The following URI1 variants were observed in gnomAD, a reference collection of about 807,000 sequenced individuals.
URI1 encodes URI1 prefoldin like chaperone, also known as unconventional prefoldin RPB5 interactor 1.
URI1 carries 39 observed loss-of-function variants against 60.2 expected under a neutral mutation model. That is an observed-to-expected ratio of 0.65 (90% CI 0.50 to 0.85). The LOEUF (loss-of-function observed/expected upper bound fraction) is 0.85. Ranked by LOEUF, URI1 falls within the 40% of genes least tolerant of loss-of-function variation. The pLI, the probability that URI1 is intolerant of heterozygous loss-of-function variation, is 0.00. For missense variants in URI1, 691 were observed against 665.9 expected (o/e 1.04, Z -0.42); for synonymous variants, 251 against 236.8 (o/e 1.06, Z -0.55).
At chr19:29,943,738 G>A (rs1273322933) in intron 1 of URI1, among the ~76,000 whole-genome samples, 2 of 151,952 alleles carry the variant, frequency 1.3e-5, no homozygotes, top group African/African-American at 4.8e-5. Flanking sequence ...TCTTTGTTCT[G>A]GTTGGTTTAA....
intron 4 of URI1, among the ~76,000 whole-genome samples, chr19:29,996,474 G>T (rs899332150): frequency 6.9e-6 from 1 of 144,850 alleles, no homozygotes; most frequent in Non-Finnish European, 1.5e-5. Context: ...CTTTACAAGG[G>T]TGTTTTGTGT....
intron 1 of URI1, among the ~76,000 whole-genome samples, chr19:29,931,910 T>TTGTGTGTGTGTGTGTGTGTG (rs56181840): frequency 1.4e-5 from 2 of 139,992 alleles, no homozygotes; most frequent in African/African-American, 2.7e-5. Flanking sequence ...GCTCTAACAG[T>TTGTGTGTGTGTGTGTGTGTG]TGTGTGTGTG....
intron 1 of URI1, among the ~76,000 whole-genome samples, chr19:29,961,784 C>G (rs2055328847): frequency 6.6e-6 from 1 of 150,692 alleles, no homozygotes; most frequent in South Asian, 2.1e-4. Context: ...CTCCTGGGTT[C>G]AAGTGATTCT....
chr19:29,936,732 A>G (rs557741496), intron 1 of URI1, among the ~76,000 whole-genome samples: 1 of 152,016 alleles, frequency 6.6e-6, no homozygotes, highest in Non-Finnish European at 1.5e-5. Context: ...CATCACATGG[A>G]TCTATCAGGC....
At chr19:29,997,789 C>T (rs1024129327) in intron 4 of URI1, among the ~76,000 whole-genome samples, 4 of 152,104 alleles carry the variant, frequency 2.6e-5, no homozygotes, top group Non-Finnish European at 5.9e-5. Context: ...GAGACAGAGT[C>T]TCACTCACTC....
intron 6 of URI1, 149 bp downstream of exon 6, chr19:30,005,857 A>G (rs557192640): frequency 2.9e-6 from 2 of 690,266 alleles, no homozygotes; most frequent in Admixed American, 7.1e-5. Flanking sequence ...ATTTTTTTTT[A>G]TGTGAAACAT....
chr19:29,939,295 G>C (rs59752121), upstream of URI1, among the ~76,000 whole-genome samples: 1 of 146,264 alleles, frequency 6.8e-6, no homozygotes, highest in Non-Finnish European at 1.5e-5. Context: ...TTTTTTTTTA[G>C]ACGAAGTGTC....
intron 2 of URI1, among the ~76,000 whole-genome samples, chr19:29,980,612 T>TACAAAAAAA (rs2055581902): frequency 2.7e-5 from 2 of 73,860 alleles, no homozygotes; most frequent in Non-Finnish European, 4.5e-5. Flanking sequence ...TTTTTTTTCT[T>TACAAAAAAA]AAAAAAAAAA....
At chr19:29,982,055 T>C (rs1013250472) in intron 2 of URI1, among the ~76,000 whole-genome samples, 1 of 152,196 alleles carries the variant, frequency 6.6e-6, no homozygotes, top group Non-Finnish European at 1.5e-5. Context: ...GACTAAGCCC[T>C]GAACATTTCC....
At chr19:29,986,500 A>G (rs878901255) in intron 4 of URI1, 83 bp downstream of exon 4, 2 of 1,500,288 alleles carry the variant, frequency 1.3e-6, no homozygotes, top group South Asian at 2.5e-5. Context: ...GTTTCTTACC[A>G]AAAGTACCTT....
intron 1 of URI1, among the ~76,000 whole-genome samples, chr19:29,963,522 A>T (rs2055352327): frequency 6.6e-6 from 1 of 152,112 alleles, no homozygotes; most frequent in Non-Finnish European, 1.5e-5. Context: ...TTCCTTGAAC[A>T]TATTAATCAT....
chr19:29,973,945 A>C (rs2055490074), intron 2 of URI1, among the ~76,000 whole-genome samples: 1 of 152,136 alleles, frequency 6.6e-6, no homozygotes, highest in South Asian at 2.1e-4. Context: ...GGTATTATGA[A>C]ATCCACACAC....
intron 10 of URI1, chr19:30,014,366 C>T (rs2056059560): frequency 6.6e-6 from 1 of 152,086 alleles, no homozygotes; most frequent in Admixed American, 6.5e-5. Context: ...AAAATTGAGG[C>T]AATATGCAGT....
chr19:29,929,340 T>C (rs1287998113), intron 1 of URI1, among the ~76,000 whole-genome samples: 4 of 152,188 alleles, frequency 2.6e-5, no homozygotes, highest in African/African-American at 9.7e-5. Flanking sequence ...CTCATGCCTG[T>C]AATCCCAGCA....
At chr19:29,933,290 C>T (rs1434709156) in intron 1 of URI1, among the ~76,000 whole-genome samples, 2 of 152,106 alleles carry the variant, frequency 1.3e-5, no homozygotes, top group African/African-American at 4.8e-5. Flanking sequence ...ATTCAATATC[C>T]TTACTTGTTA....
At chr19:30,009,454 A>G (rs910259877) in intron 8 of URI1, 101 bp downstream of exon 8, 1 of 1,141,494 alleles carries the variant, frequency 8.8e-7, no homozygotes. Flanking sequence ...ATCATTGTGG[A>G]TAGTGCCAGA....
Position 29,942,616 on chromosome 19 carries a change from TC to T in URI1, c.71del (p.Pro24ArgfsTer31). ...CTTCGGCCCCGGCCCCTGCCCTGGTTCCGTTGCGCGCCCCGGATGTGGCGCG... is the reference window on the plus strand; with the variant it reads ...CTTCGGCCCCGGCCCCTGCCCTGGTTCGTTGCGCGCCCCGGATGTGGCGCG... ...PPSAPAPALV[P>X]LRAPDVARLR... On this transcript the variant is annotated frameshift_variant, in exon 1 of 11. Coordinates refer to ENST00000392271, the MANE Select transcript of URI1 (RefSeq NM_003796.3). LOFTEE classifies it high-confidence loss of function. 1 of 1,471,804 alleles carries T rather than the reference TC, an allele frequency of 6.8e-7. No individual in the cohort carries two copies. Among genetic ancestry groups the T allele is most frequent in the Non-Finnish European group, 9.0e-7 (1 of 1,115,892 alleles). 91.2% of individuals were successfully genotyped at this position (1,471,804 alleles called of 1,614,324 possible).
upstream of URI1, among the ~76,000 whole-genome samples, chr19:29,940,869 G>A (rs578240602): frequency 3.0e-4 from 46 of 152,278 alleles, no homozygotes; most frequent in African/African-American, 1.1e-3. Flanking sequence ...AAGAGTAGGG[G>A]CAGCAAGGCC....
At chr19:29,927,104 C>T (rs1032753308) in intron 1 of URI1, among the ~76,000 whole-genome samples, 9 of 152,124 alleles carry the variant, frequency 5.9e-5, no homozygotes, top group Non-Finnish European at 1.3e-4. Flanking sequence ...TACTGGACTT[C>T]CCAGGTGAGC....
Sources: allele counts gnomAD v4.1 joint callset (sites outside exome capture counted in the v4.1 genomes callset), GRCh38; gene constraint gnomAD v4.1.1; transcripts MANE v1.5; gene names NCBI Gene and HGNC (gene_info 2026-07-23, HGNC 2026-07-21).